ETS1: variants seen among roughly 807,000 people sequenced by gnomAD.
The protein encoded by ETS1 is protein C-ets-1.
ETS1 carries 15 observed loss-of-function variants against 58.6 expected under a neutral mutation model. The observed-to-expected ratio is 0.26, with a 90% CI of 0.17 to 0.39. ETS1 has a LOEUF of 0.39. Ranked by LOEUF, ETS1 falls within the 10% of genes least tolerant of loss-of-function variation. ETS1 has a pLI of 1.00. For synonymous variants in ETS1, 214 were observed against 218.2 expected (o/e 0.98, Z 0.17); for missense variants, 417 against 610.5 (o/e 0.68, Z 3.34).
intron 8 of ETS1, among the ~76,000 whole-genome samples, chr11:128,474,692 C>T (rs759586052): frequency 2.0e-5 from 3 of 152,194 alleles, no homozygotes; most frequent in Non-Finnish European, 4.4e-5. Flanking sequence ...CACTGCTAAA[C>T]CCAGCACCGT....
intron 2 of ETS1, among the ~76,000 whole-genome samples, chr11:128,566,309 G>C (rs929367848): frequency 1.7e-4 from 26 of 152,158 alleles, no homozygotes; most frequent in African/African-American, 5.1e-4. Context: ...AAAGAGATGA[G>C]ATAGTGACTA....
At chr11:128,556,186 C>G in intron 3 of ETS1, 105 bp downstream of exon 3, 1 of 997,246 alleles carries the variant, frequency 1.0e-6, no homozygotes, top group Non-Finnish European at 1.5e-6. Context: ...AGCATCTGTA[C>G]CCGCATAAGC....
rs191581121 is a variant in ETS1, at chr11:128,559,373, T to A, written c.70-2938A>T. Among the ~76,000 whole-genome samples the A allele has an allele frequency of 1.4e-4, 22 of 152,374 alleles. No individual in the cohort carries two copies. In the East Asian group the frequency reaches 2.7e-3, roughly 19 times the overall value. Reference sequence around the variant, plus strand: ...GGGTGATAACAGGGTAGCCATATTGTAGGTCAACTCACAGGCTTTGAGTAA... The same window carrying A: ...GGGTGATAACAGGGTAGCCATATTGAAGGTCAACTCACAGGCTTTGAGTAA... On this transcript the variant is annotated intron_variant, in intron 2 of 9. Transcript: ENST00000392668.
In ETS1 at chr11:128,584,985, AGAAAGGAAGGAAGGAAG is replaced by A. The variant is rs1565420768; in HGVS notation, c.-15+2486_-15+2502del. On this transcript the variant is annotated intron_variant, in intron 1 of 9. Transcript: ENST00000392668. The stretch of plus-strand genomic sequence containing the variant: ...AAGAAAGAAAGAAAGAAAGAAAGAA[AGAAAGGAAGGAAGGAAG>A]GAAAGAAAGGAAAGAAAGAAGAAAG... Among the ~76,000 whole-genome samples, 205 of 62,068 alleles carry A rather than the reference AGAAAGGAAGGAAGGAAG, an allele frequency of 3.3e-3. 25 individuals are homozygous for A. The highest frequency in any genetic ancestry group is 0.011 in the Middle Eastern group (2 of 184). 40.7% of individuals were successfully genotyped at this position (62,068 alleles called of 152,430 possible). A position where few individuals can be genotyped will look rare whatever the true frequency, so the allele number is the denominator to read the frequency against.
At chr11:128,503,832 G>GAGAAGATGCAGAAATCCCCACCCTGA (rs1863154768) in intron 3 of ETS1, among the ~76,000 whole-genome samples, 1 of 152,156 alleles carries the variant, frequency 6.6e-6, no homozygotes, top group Non-Finnish European at 1.5e-5. Context: ...GCTGACATCA[G>GAGAAGATGCAGAAATCCCCACCCTGA]AGAAGATGCA....
rs986201698 is a variant in ETS1, at chr11:128,549,144, G to C, written c.214+7147C>G. Among the ~76,000 whole-genome samples the C allele has an allele frequency of 2.6e-5, 4 of 152,178 alleles. No homozygotes were observed. Among genetic ancestry groups the C allele is most frequent in the Admixed American group, 2.6e-4 (4 of 15,284 alleles). ...ATGAGGGAGCTGGGTCTCCTGCCTC[G>C]GCAGCTATAAACACAGTGAACATCT... is the stretch of plus-strand genomic sequence containing the variant. On this transcript the variant is annotated intron_variant, in intron 3 of 9. Transcript: ENST00000392668. The surrounding 1 kb of genome is among the most constrained non-coding windows in gnomAD (Gnocchi z 4.3).
chr11:128,583,828 A>G (rs1234048668), intron 1 of ETS1, among the ~76,000 whole-genome samples: 2 of 152,100 alleles, frequency 1.3e-5, no homozygotes, highest in African/African-American at 2.4e-5. Flanking sequence ...GTTCCCTCTA[A>G]GTTCTGAAGG....
At chr11:128,553,742 A>G (rs1864268330) in intron 3 of ETS1, among the ~76,000 whole-genome samples, 1 of 151,636 alleles carries the variant, frequency 6.6e-6, no homozygotes, top group Non-Finnish European at 1.5e-5. Flanking sequence ...GAATAGGAAC[A>G]ACATTCTGAA....
chr11:128,462,578 T>G lies in ETS1; in HGVS notation c.1243-2A>C. 6.2e-7 allele frequency: 1 copy of G among 1,612,296 alleles called. No individual in the cohort carries two copies. ...CCTCTTTCCCCATCTCCTGGCCACC[T>G]GAAATTTAAAAAGAAAAATAAAGGA... On this transcript the variant is annotated splice_acceptor_variant, in intron 9 of 9. Coordinates refer to ENST00000392668, the MANE Select transcript of ETS1 (RefSeq NM_001143820.2). LOFTEE classifies it high-confidence loss of function.
At chr11:128,493,771 G>A (rs750405999) in intron 3 of ETS1, among the ~76,000 whole-genome samples, 8 of 152,288 alleles carry the variant, frequency 5.3e-5, no homozygotes, top group Middle Eastern at 6.8e-3. Context: ...TGTCTTTTTC[G>A]GTTGTGTGAG....
At chr11:128,551,487 T>C (rs1290237291) in intron 3 of ETS1, among the ~76,000 whole-genome samples, 5 of 152,246 alleles carry the variant, frequency 3.3e-5, no homozygotes, top group Non-Finnish European at 7.3e-5. Flanking sequence ...ATTTTGTTAG[T>C]AAATTTGTTT....
At chr11:128,584,029 T>C (rs1864926525) in intron 1 of ETS1, among the ~76,000 whole-genome samples, 3 of 152,224 alleles carry the variant, frequency 2.0e-5, no homozygotes, top group African/African-American at 4.8e-5. Flanking sequence ...CTAGTAAAGA[T>C]TATTGTGTTA....
intron 3 of ETS1, among the ~76,000 whole-genome samples, chr11:128,508,852 G>A (rs757430895): frequency 6.6e-6 from 1 of 152,142 alleles, no homozygotes; most frequent in Non-Finnish European, 1.5e-5. Flanking sequence ...GGAAATTCAA[G>A]TATTACTTCC....
chr11:128,474,552 T>G (rs533134758), intron 8 of ETS1, among the ~76,000 whole-genome samples: 2 of 152,272 alleles, frequency 1.3e-5, no homozygotes, highest in South Asian at 2.1e-4. Context: ...CCCAACCAGT[T>G]CAAATCTTCC....
chr11:128,465,400 G>A (rs764045717), intron 8 of ETS1, among the ~76,000 whole-genome samples: 1 of 152,138 alleles, frequency 6.6e-6, no homozygotes, highest in Non-Finnish European at 1.5e-5. Flanking sequence ...AAACCGTTTC[G>A]TATTCAACTC....
At chr11:128,490,918 C>A (rs2135462125) in intron 3 of ETS1, among the ~76,000 whole-genome samples, 1 of 152,044 alleles carries the variant, frequency 6.6e-6, no homozygotes, top group East Asian at 1.9e-4. Context: ...CAGGGTTTCA[C>A]CATGTTGGCC....
At chr11:128,544,734 C>T (rs886688479) in intron 3 of ETS1, among the ~76,000 whole-genome samples, 9 of 151,910 alleles carry the variant, frequency 5.9e-5, no homozygotes, top group Admixed American at 3.9e-4. Context: ...GGAACAGCTG[C>T]GAGGAGAGAA....
chr11:128,472,473 A>C (rs1448326419), intron 8 of ETS1, among the ~76,000 whole-genome samples: 2 of 152,208 alleles, frequency 1.3e-5, no homozygotes, highest in African/African-American at 2.4e-5. Flanking sequence ...CATGGTCTTG[A>C]GTCCTGCCAC....
Position 128,486,131 on chromosome 11 carries a change from T to C in ETS1, c.551A>G (p.Tyr184Cys). Residue 184 changes from tyrosine (Y) to cysteine (C), a missense_variant, in exon 6 of 10, where the codon TAT (tyrosine) becomes TGT (cysteine). This residue lies in a region of ETS1 where 132 missense variants were observed against 212.1 expected (regional missense o/e 0.62). Transcript: ENST00000392668. Reference sequence around the variant, plus strand: ...GGCTGGGTTGACTCCATTAACTTGATATGGTTTCACATCCTCTGTAATGAA... The same window carrying C: ...GGCTGGGTTGACTCCATTAACTTGACATGGTTTCACATCCTCTGTAATGAA... ...EILQKEDVKP[Y>C]QVNGVNPAYP... The C allele has an allele frequency of 6.2e-7, 1 of 1,607,344 alleles. No homozygotes were observed. The highest frequency in any genetic ancestry group is 8.5e-7 in the Non-Finnish European group (1 of 1,173,882).
Sources: allele counts gnomAD v4.1 joint callset (sites outside exome capture counted in the v4.1 genomes callset), GRCh38; gene constraint gnomAD v4.1.1; regional missense constraint gnomAD v4.1.1; non-coding constraint Gnocchi (gnomAD v3.1); transcripts MANE v1.5; gene names NCBI Gene and HGNC (gene_info 2026-07-23, HGNC 2026-07-21).